Variants in BRSK2 observed in about 807,000 individuals in gnomAD.
BRSK2 encodes the protein serine/threonine-protein kinase BRSK2.
A neutral mutation model predicts 83.3 loss-of-function variants in BRSK2; 19 were observed. The observed-to-expected ratio is 0.23, with a 90% confidence interval of 0.16 to 0.33. BRSK2 has a LOEUF of 0.33. BRSK2 is among the 10% of genes least tolerant of loss of function. BRSK2 has a pLI of 1.00. For synonymous variants in BRSK2, 519 were observed against 435.4 expected (o/e 1.19, Z -2.39); for missense variants, 798 against 1,042.3 (o/e 0.77, Z 3.23).
At chr11:1,446,222 G>A (rs1049791916) in intron 12 of BRSK2, among the ~76,000 whole-genome samples, 3 of 141,034 alleles carry the variant, frequency 2.1e-5, no homozygotes, top group East Asian at 2.2e-4. Context: ...TGGTTGAGCC[G>A]AGCTGGGCTG....
At chr11:1,420,157 C>T (rs1335719358) in intron 1 of BRSK2, among the ~76,000 whole-genome samples, 3 of 152,216 alleles carry the variant, frequency 2.0e-5, no homozygotes, top group Non-Finnish European at 2.9e-5. Flanking sequence ...AGTGTGCGTG[C>T]GTGCATGTGT....
At chr11:1,408,263 C>T (rs981061257) in intron 1 of BRSK2, among the ~76,000 whole-genome samples, 4 of 152,216 alleles carry the variant, frequency 2.6e-5, no homozygotes, top group East Asian at 1.9e-4. Context: ...TCCAGCAGTC[C>T]TCTGCAGTCC....
intron 13 of BRSK2, among the ~76,000 whole-genome samples, 163 bp from the exon 14 acceptor site, chr11:1,450,424 C>T (rs1213111802): frequency 6.6e-6 from 1 of 152,138 alleles, no homozygotes. Flanking sequence ...CTCTGCAGGG[C>T]ACCAAGTCCA....
At chr11:1,403,678 G>A (rs1291164764) in intron 1 of BRSK2, among the ~76,000 whole-genome samples, 1 of 152,184 alleles carries the variant, frequency 6.6e-6, no homozygotes, top group Non-Finnish European at 1.5e-5. Context: ...CTCACCTGCT[G>A]GTGACAGTCC....
At chr11:1,434,687 G>A (rs557950086) in intron 1 of BRSK2, among the ~76,000 whole-genome samples, 1 of 148,868 alleles carries the variant, frequency 6.7e-6, no homozygotes, top group Non-Finnish European at 1.5e-5. Flanking sequence ...CTGGGTGTCT[G>A]GGGGCACCTA....
chr11:1,447,847 T>C (rs1264921362), intron 12 of BRSK2: 1 of 1,597,074 alleles, frequency 6.3e-7, no homozygotes, highest in Non-Finnish European at 8.5e-7. Context: ...CCATCCCCAA[T>C]TCAGCAAAGA....
chr11:1,455,632 CAG>C (rs1306821683), intron 16 of BRSK2, among the ~76,000 whole-genome samples: 4 of 152,068 alleles, frequency 2.6e-5, no homozygotes, highest in Non-Finnish European at 5.9e-5. Context: ...ACCCTGGCCT[CAG>C]GGGTCCTCAG....
chr11:1,454,273 T>G lies in BRSK2; in HGVS notation c.1545-212T>G. 2 of 527,346 alleles carry G rather than the reference T, an allele frequency of 3.8e-6. No individual in the cohort carries two copies. The highest frequency in any genetic ancestry group is 6.8e-6 in the Non-Finnish European group (2 of 293,588). The allele number at this position is 527,346 out of a possible 1,614,324, so 32.7% of individuals were successfully genotyped here. ...GCTTGGAGAAAGGTTAGGGTTGGGG[T>G]TGGGGTTAGAGCCACGGTGATGGTC... On this transcript the variant is annotated intron_variant, in intron 15 of 19. Transcript: ENST00000528841. The surrounding 1 kb of genome is among the most constrained non-coding windows in gnomAD (Gnocchi z 5.2).
chr11:1,409,944 G>C (rs1847242642), intron 1 of BRSK2: 1 of 138,186 alleles, frequency 7.2e-6, no homozygotes, highest in Non-Finnish European at 1.6e-5. Context: ...CGGCCTCGCA[G>C]AGCGGTGACG....
At chr11:1,428,909 G>A (rs891658744) in intron 1 of BRSK2, among the ~76,000 whole-genome samples, 9 of 151,410 alleles carry the variant, frequency 5.9e-5, no homozygotes, top group Non-Finnish European at 8.8e-5. Context: ...TGCACTGGGT[G>A]CTTGTGTGCA....
intron 1 of BRSK2, among the ~76,000 whole-genome samples, chr11:1,416,078 G>T (rs1848070618): frequency 6.6e-6 from 1 of 152,268 alleles, no homozygotes; most frequent in African/African-American, 2.4e-5. Context: ...GGGGACCTTT[G>T]CAATGGCCAG....
intron 1 of BRSK2, among the ~76,000 whole-genome samples, chr11:1,403,881 G>A (rs1846658586): frequency 6.6e-6 from 1 of 152,202 alleles, no homozygotes; most frequent in Admixed American, 6.5e-5. Context: ...CCCCACGTGG[G>A]GAGGCGGCCG....
intron 1 of BRSK2, among the ~76,000 whole-genome samples, chr11:1,421,598 C>T (rs1304563685): frequency 6.6e-6 from 1 of 152,228 alleles, no homozygotes; most frequent in Non-Finnish European, 1.5e-5. Context: ...CTTCCCTCTG[C>T]ACCTGGCACT....
chr11:1,403,665 T>A (rs931722119), intron 1 of BRSK2, among the ~76,000 whole-genome samples: 1 of 152,092 alleles, frequency 6.6e-6, no homozygotes, highest in African/African-American at 2.4e-5. Context: ...CCCCCTTAGG[T>A]CCCTCACCTG....
At chr11:1,443,238 G>A in intron 6 of BRSK2, 97 bp from the exon 7 acceptor site, 1 of 1,519,698 alleles carries the variant, frequency 6.6e-7, no homozygotes, top group Non-Finnish European at 8.8e-7. Context: ...GTGCTGCTAG[G>A]CTGCCTGTCC....
intron 1 of BRSK2, chr11:1,411,349 T>G (rs1455727707): frequency 1.9e-5 from 27 of 1,442,412 alleles, no homozygotes; most frequent in Non-Finnish European, 2.3e-5. Flanking sequence ...GGCACAGTTC[T>G]GCCCCATCTG....
intron 1 of BRSK2, among the ~76,000 whole-genome samples, chr11:1,394,436 CTGGAGATGGGTCCTGGAGATGGGCCA>C: frequency 1.8e-5 from 1 of 57,118 alleles, no homozygotes; most frequent in Non-Finnish European, 3.2e-5. Context: ...GAGATGGGTC[CTGGAGATGGGTCCTGGAGATGGGCCA>C]TGGAGATGGG....
intron 1 of BRSK2, among the ~76,000 whole-genome samples, chr11:1,392,022 GA>G (rs1564787122): frequency 6.6e-6 from 1 of 152,188 alleles, no homozygotes; most frequent in Non-Finnish European, 1.5e-5. Context: ...AAAACAGCTC[GA>G]GGGGGGGCAC....
chr11:1,392,715 C>T (rs181431710), intron 1 of BRSK2, among the ~76,000 whole-genome samples: 1 of 152,350 alleles, frequency 6.6e-6, no homozygotes, highest in Admixed American at 6.5e-5. Context: ...GGACGCCCTT[C>T]TAGACGCCGC....
Sources: allele counts gnomAD v4.1 joint callset (sites outside exome capture counted in the v4.1 genomes callset), GRCh38; gene constraint gnomAD v4.1.1; non-coding constraint Gnocchi (gnomAD v3.1); transcripts MANE v1.5; gene names NCBI Gene and HGNC (gene_info 2026-07-23, HGNC 2026-07-21).